The following ANAPC5 variants were observed in gnomAD, a reference collection of about 807,000 sequenced individuals.
ANAPC5 encodes the protein anaphase-promoting complex subunit 5.
Under a neutral mutation model 91.3 loss-of-function variants are expected in ANAPC5, and 60 were observed. The ratio of observed to expected loss-of-function variants is 0.66; its 90% CI spans 0.53 to 0.81. ANAPC5 has a LOEUF of 0.81. Among genes scored for constraint, ANAPC5 ranks in the 40% least tolerant of loss-of-function variants. The probability of loss-of-function intolerance (pLI) is 0.00; values close to 1 mark genes in which losing one functional copy is unlikely to be tolerated. For missense variants in ANAPC5, 690 were observed against 931.5 expected (o/e 0.74, Z 3.37); for synonymous variants, 340 against 364.1 (o/e 0.93, Z 0.75).
intron 10 of ANAPC5, chr12:121,328,030 G>A (rs1388731933): frequency 6.9e-6 from 2 of 289,156 alleles, no homozygotes; most frequent in Non-Finnish European, 1.3e-5. Context: ...GTTTGCGATC[G>A]CGGGTAGATC....
intron 7 of ANAPC5, 45 bp from the exon 8 acceptor site, chr12:121,331,473 A>C: frequency 2.7e-6 from 4 of 1,497,560 alleles, no homozygotes; most frequent in Non-Finnish European, 3.7e-6. Flanking sequence ...AATCACAAAC[A>C]TGCATAAGCA....
chr12:121,339,843 A>G (rs978500917), intron 5 of ANAPC5, among the ~76,000 whole-genome samples: 11 of 142,012 alleles, frequency 7.7e-5, no homozygotes, highest in Non-Finnish European at 1.7e-4. Context: ...AAATCAAATT[A>G]TCTTCTCCTA....
chr12:121,313,170 A>T (rs1338182743), intron 15 of ANAPC5, among the ~76,000 whole-genome samples: 3 of 151,866 alleles, frequency 2.0e-5, no homozygotes, highest in African/African-American at 7.3e-5. Flanking sequence ...TATTAAAATT[A>T]CAAAAATTAG....
chr12:121,331,753 T>C (rs1903050408), intron 7 of ANAPC5: 1 of 170,224 alleles, frequency 5.9e-6, no homozygotes, highest in Non-Finnish European at 1.3e-5. Context: ...TATTTTACTT[T>C]TCATGGCATT....
chr12:121,340,201 C>T (rs1903391887), intron 5 of ANAPC5, among the ~76,000 whole-genome samples: 3 of 150,882 alleles, frequency 2.0e-5, no homozygotes, highest in African/African-American at 7.3e-5. Flanking sequence ...ACCTCTAATC[C>T]CAGCTACTTA....
At chr12:121,344,415 C>T (rs1414151349) in intron 4 of ANAPC5, among the ~76,000 whole-genome samples, 3 of 151,966 alleles carry the variant, frequency 2.0e-5, no homozygotes, top group African/African-American at 7.2e-5. Flanking sequence ...CCCATCTCTA[C>T]TAAAAATACA....
intron 15 of ANAPC5, among the ~76,000 whole-genome samples, chr12:121,313,353 G>GA (rs1206197535): frequency 6.6e-6 from 1 of 151,840 alleles, no homozygotes; most frequent in African/African-American, 2.4e-5. Flanking sequence ...ACTAGAAAAC[G>GA]AAAAGCAAAC....
rs180865243 is a variant in ANAPC5, at chr12:121,348,570, C to T, written c.208-689G>A. 4.3e-4 allele frequency among the ~76,000 whole-genome samples: 66 copies of T among 152,180 alleles called. 1 individual carries two copies. In the East Asian group the frequency reaches 0.011, roughly 25 times the overall value. On this transcript the variant is annotated intron_variant, in intron 1 of 16. Transcript: ENST00000261819. Reference sequence around the variant, plus strand: ...GTCCCAGCTACTTGGGAGGCTGAGGCGGGAGAATGGCTTGAACCTGGCAGG... The same window carrying T: ...GTCCCAGCTACTTGGGAGGCTGAGGTGGGAGAATGGCTTGAACCTGGCAGG...
intron 1 of ANAPC5, among the ~76,000 whole-genome samples, chr12:121,351,584 A>G (rs1016307947): frequency 6.6e-6 from 1 of 151,250 alleles, no homozygotes; most frequent in Non-Finnish European, 1.5e-5. Flanking sequence ...CAGCCTCCCG[A>G]GTAGCTGAAA....
chr12:121,340,678 G>A lies in ANAPC5; in HGVS notation c.657+1325C>T, dbSNP rs374639377. Among the ~76,000 whole-genome samples, 80 of 151,474 alleles carry A rather than the reference G, an allele frequency of 5.3e-4. 3 individuals are homozygous for A. In the South Asian group the frequency reaches 0.015, roughly 29 times the overall value. On this transcript the variant is annotated intron_variant, in intron 5 of 16. Transcript: ENST00000261819. ...AGCGATTCTCCTGCCTCAGCCTCCC[G>A]AGTAGCTGGGATTACAGACGGGCAT...
intron 4 of ANAPC5, among the ~76,000 whole-genome samples, chr12:121,343,944 T>G (rs1903558674): frequency 6.6e-6 from 1 of 152,216 alleles, no homozygotes; most frequent in African/African-American, 2.4e-5. Context: ...CATATCTTTT[T>G]GCCTGCAAGT....
Position 121,335,558 on chromosome 12 carries a change from C to A in ANAPC5, c.925G>T (p.Ala309Ser), listed in dbSNP as rs782180743. 3 of 1,611,528 alleles carry A rather than the reference C, an allele frequency of 1.9e-6. No individual in the cohort carries two copies. The Admixed American group carries it at 5.0e-5, about 27-fold the overall frequency. ...SLRYAALNLA[A>S]LHCRFGHYQQ... ...TAGTGACCGAAGCGGCAGTGCAGGGCGGCAAGATTCAGAGCGGCGTATCTC... is the reference window on the plus strand; with the variant it reads ...TAGTGACCGAAGCGGCAGTGCAGGGAGGCAAGATTCAGAGCGGCGTATCTC... The change falls in exon 7 of 17, where the codon GCC (alanine) becomes TCC (serine). Residue 309 changes from alanine to serine, a missense_variant. Coordinates refer to ENST00000261819, the MANE Select transcript of ANAPC5 (RefSeq NM_016237.5).
chr12:121,352,050 G>T, intron 1 of ANAPC5, 84 bp downstream of exon 1: 1 of 1,283,790 alleles, frequency 7.8e-7, no homozygotes, highest in Non-Finnish European at 1.1e-6. Context: ...ATGGACACGA[G>T]TGTCCCCAAG....
At chr12:121,310,933 CAAAAAAAAAA>C (rs35742192) in intron 15 of ANAPC5, among the ~76,000 whole-genome samples, 4 of 61,160 alleles carry the variant, frequency 6.5e-5, no homozygotes, top group Non-Finnish European at 7.3e-5. Flanking sequence ...GACTCCATCT[CAAAAAAAAAA>C]AAAAAAAAAA....
At chr12:121,336,909 C>T (rs1324794428) in intron 6 of ANAPC5, among the ~76,000 whole-genome samples, 1 of 152,102 alleles carries the variant, frequency 6.6e-6, no homozygotes, top group Non-Finnish European at 1.5e-5. Context: ...TTCTCATTTG[C>T]ACAGCTACTC....
At position 121,331,368 on chromosome 12, in the gene ANAPC5, G is replaced by A. The variant is rs782272516; in HGVS notation, c.1011C>T (p.His337=). 8.7e-6 allele frequency: 14 copies of A among 1,608,698 alleles called. No homozygotes were observed. Among genetic ancestry groups the A allele is most frequent in the South Asian group, 2.2e-5 (2 of 90,958 alleles). The change falls in exon 8 of 17, where the codon CAC becomes CAT. Residue 337 remains histidine (H), a synonymous_variant. Coordinates refer to ENST00000261819, the MANE Select transcript of ANAPC5 (RefSeq NM_016237.5). ...AIRIAQESND[H]VCLQHCLSWL... is the part of the protein sequence containing the mutation. Reference sequence around the variant, plus strand: ...TCACCAAACAGTGCTGGAGACACACGTGATCGTTGGACTCCTGGGCAATCC... The same window carrying A: ...TCACCAAACAGTGCTGGAGACACACATGATCGTTGGACTCCTGGGCAATCC...
chr12:121,352,263 G>A lies in ANAPC5; in HGVS notation c.78C>T (p.Ile26=). ...TCTTGTACGGCGTCACCCAGTCCTTGATGCCGAACACATTGGCGTGCACAA... is the reference window on the plus strand; with the variant it reads ...TCTTGTACGGCGTCACCCAGTCCTTAATGCCGAACACATTGGCGTGCACAA... ...NGVVHANVFG[I]KDWVTPYKIA... is the part of the protein sequence containing the mutation. Residue 26 remains isoleucine, a synonymous_variant, in exon 1 of 17, where the codon ATC becomes ATT. Coordinates refer to ENST00000261819, the MANE Select transcript of ANAPC5 (RefSeq NM_016237.5). 6.2e-7 allele frequency: 1 copy of A among 1,614,164 alleles called. No individual in the cohort carries two copies. Among genetic ancestry groups the A allele is most frequent in the South Asian group, 1.1e-5 (1 of 91,084 alleles).
At chr12:121,352,986 G>A (rs1903969007), upstream of ANAPC5, among the ~76,000 whole-genome samples, 1 of 152,126 alleles carries the variant, frequency 6.6e-6, no homozygotes, top group Non-Finnish European at 1.5e-5. Flanking sequence ...CACCCTTAAA[G>A]TATGTATTTA....
chr12:121,334,419 G>A (rs1464973363), intron 7 of ANAPC5: 2 of 152,182 alleles, frequency 1.3e-5, no homozygotes, highest in African/African-American at 4.8e-5. Context: ...AGTCTGTATA[G>A]AAGGATGCCT....
Sources: allele counts gnomAD v4.1 joint callset (sites outside exome capture counted in the v4.1 genomes callset), GRCh38; gene constraint gnomAD v4.1.1; transcripts MANE v1.5; gene names NCBI Gene and HGNC (gene_info 2026-07-23, HGNC 2026-07-21).